Variants in VWC2L observed in about 807,000 individuals in gnomAD.
VWC2L encodes von Willebrand factor C domain containing 2 like, also known as von Willebrand factor C domain-containing protein 2-like.
A neutral mutation model predicts 21.6 loss-of-function variants in VWC2L; 10 were observed. The observed-to-expected ratio is 0.46, with a 90% CI of 0.29 to 0.78. The LOEUF is 0.78. Among genes scored for constraint, VWC2L ranks in the 30% least tolerant of loss-of-function variants. The pLI is 0.10. For synonymous variants in VWC2L, 96 were observed against 94.3 expected, an observed-to-expected ratio of 1.02 and a Z score of -0.10; for missense variants, 209 against 277.1, an observed-to-expected ratio of 0.75 and a Z score of 1.74.
intron 3 of VWC2L, among the ~76,000 whole-genome samples, chr2:214,504,280 A>T (rs1688937347): frequency 1.3e-5 from 2 of 152,202 alleles, no homozygotes; most frequent in Non-Finnish European, 2.9e-5. Context: ...GGTTGGAATG[A>T]GTGATGTTGG....
chr2:214,570,675 T>C (rs1271053033), intron 3 of VWC2L, among the ~76,000 whole-genome samples: 1 of 146,950 alleles, frequency 6.8e-6, no homozygotes, highest in Admixed American at 6.7e-5. Flanking sequence ...GAAAATTACT[T>C]AGGTGTTTCA....
intron 2 of VWC2L, among the ~76,000 whole-genome samples, chr2:214,430,801 G>A (rs79630421): frequency 0.019 from 2,874 of 152,220 alleles, 41 homozygotes; most frequent in Non-Finnish European, 0.027. Flanking sequence ...ATATACATTT[G>A]CTGAGTAACT....
intron 3 of VWC2L, chr2:214,473,718 C>T (rs1703342328): frequency 6.6e-6 from 1 of 150,728 alleles, no homozygotes; most frequent in Non-Finnish European, 1.5e-5. Context: ...ACTTTAATTC[C>T]AAGATGGCTT....
At chr2:214,554,490 C>T (rs1311495468) in intron 3 of VWC2L, among the ~76,000 whole-genome samples, 1 of 151,978 alleles carries the variant, frequency 6.6e-6, no homozygotes. Context: ...ATGGAGAAAC[C>T]CCATCTCCAC....
chr2:214,464,155 C>A (rs1409171310), intron 3 of VWC2L, among the ~76,000 whole-genome samples: 1 of 151,926 alleles, frequency 6.6e-6, no homozygotes, highest in Non-Finnish European at 1.5e-5. Flanking sequence ...GTCACTGGTG[C>A]CTTATTTAGT....
intron 3 of VWC2L, among the ~76,000 whole-genome samples, chr2:214,573,127 A>G (rs1279635658): frequency 1.3e-5 from 2 of 152,180 alleles, no homozygotes; most frequent in African/African-American, 4.8e-5. Flanking sequence ...GGATAAGCAT[A>G]GAAATTTGTA....
chr2:214,493,217 A>G (rs1688768333), intron 3 of VWC2L, among the ~76,000 whole-genome samples: 1 of 152,174 alleles, frequency 6.6e-6, no homozygotes, highest in Non-Finnish European at 1.5e-5. Context: ...AGAATATTTC[A>G]AGGAAGAACT....
At chr2:214,499,746 T>C (rs923818208) in intron 3 of VWC2L, among the ~76,000 whole-genome samples, 2 of 152,236 alleles carry the variant, frequency 1.3e-5, no homozygotes, top group Non-Finnish European at 2.9e-5. Flanking sequence ...ATTGATTCAT[T>C]GGTAGTTTAC....
intron 3 of VWC2L, among the ~76,000 whole-genome samples, chr2:214,482,984 C>A: frequency 6.6e-6 from 1 of 152,168 alleles, no homozygotes; most frequent in African/African-American, 2.4e-5. Flanking sequence ...AAAGCAGCTA[C>A]CCCTTCCTCC....
At chr2:214,477,193 T>G (rs571970208) in intron 3 of VWC2L, among the ~76,000 whole-genome samples, 1 of 152,342 alleles carries the variant, frequency 6.6e-6, no homozygotes, top group Admixed American at 6.5e-5. Context: ...GAAAATGCCA[T>G]TCATGTGAAC....
intron 3 of VWC2L, among the ~76,000 whole-genome samples, chr2:214,481,826 T>G (rs1688607198): frequency 6.6e-6 from 1 of 152,246 alleles, no homozygotes; most frequent in Admixed American, 6.5e-5. Flanking sequence ...ACAAATACTT[T>G]ATTGTATTCT....
intron 3 of VWC2L, among the ~76,000 whole-genome samples, chr2:214,483,806 C>T (rs1688639206): frequency 6.6e-6 from 1 of 152,118 alleles, no homozygotes; most frequent in Admixed American, 6.6e-5. Context: ...GATGGGGCTG[C>T]ACAAGACAAG....
At chr2:214,542,382 C>T (rs954727797) in intron 3 of VWC2L, among the ~76,000 whole-genome samples, 14 of 152,216 alleles carry the variant, frequency 9.2e-5, no homozygotes, top group Admixed American at 4.6e-4. Flanking sequence ...CTGTCTTCCA[C>T]GCTTGCAGCA....
chr2:214,467,443 G>A (rs1703233451), intron 3 of VWC2L, among the ~76,000 whole-genome samples: 1 of 152,140 alleles, frequency 6.6e-6, no homozygotes, highest in Non-Finnish European at 1.5e-5. Flanking sequence ...CCCTACCCAT[G>A]ACTATGGCCT....
Position 214,437,788 on chromosome 2 carries a change from AT to A in VWC2L, c.520+1031del, listed in dbSNP as rs772922489. Among the ~76,000 whole-genome samples, 13 of 152,302 alleles carry A rather than the reference AT, an allele frequency of 8.5e-5. No individual in the cohort carries two copies. In the East Asian group the frequency reaches 1.7e-3, roughly 20 times the overall value. On this transcript the variant is annotated intron_variant, in intron 3 of 3. Coordinates refer to ENST00000312504, the MANE Select transcript of VWC2L (RefSeq NM_001080500.4). The stretch of plus-strand genomic sequence containing the variant: ...TTTACCTTTTATAAAAGATAAAAAA[AT>A]ATTTTTAAAAGATTTTTTAAGTAGC...
intron 3 of VWC2L, among the ~76,000 whole-genome samples, chr2:214,463,557 A>G (rs1192101680): frequency 6.6e-6 from 1 of 152,088 alleles, no homozygotes; most frequent in Non-Finnish European, 1.5e-5. Context: ...TAACCCACTT[A>G]TGTTTAATGT....
At chr2:214,482,263 A>G (rs1012968019) in intron 3 of VWC2L, among the ~76,000 whole-genome samples, 2 of 152,134 alleles carry the variant, frequency 1.3e-5, no homozygotes, top group Non-Finnish European at 2.9e-5. Flanking sequence ...TAGTATGCAG[A>G]AAAAAGATTT....
At chr2:214,527,527 C>T (rs1336698945) in intron 3 of VWC2L, among the ~76,000 whole-genome samples, 3 of 152,146 alleles carry the variant, frequency 2.0e-5, no homozygotes, top group Admixed American at 6.5e-5. Context: ...TCTCCCCTAC[C>T]TTAGCTTTTT....
intron 3 of VWC2L, among the ~76,000 whole-genome samples, chr2:214,530,593 G>C (rs555853192): frequency 6.6e-6 from 1 of 152,166 alleles, no homozygotes; most frequent in African/African-American, 2.4e-5. Flanking sequence ...GTTGAGAAAG[G>C]GGCACTAGAA....
Sources: gnomAD v4.1 joint callset for allele counts (sites outside exome capture counted in the v4.1 genomes callset) on GRCh38, gnomAD v4.1.1 for gene constraint, MANE v1.5 for transcripts, NCBI Gene and HGNC (gene_info 2026-07-23, HGNC 2026-07-21) for gene names.